The following NDST3 variants were observed in gnomAD, a reference collection of about 807,000 sequenced individuals.
The protein encoded by NDST3 is N-deacetylase and N-sulfotransferase 3, also known as bifunctional heparan sulfate N-deacetylase/N-sulfotransferase 3.
NDST3 carries 58 observed loss-of-function variants against 96.1 expected under a neutral mutation model. That is an observed-to-expected ratio of 0.60 (90% CI 0.49 to 0.75). The LOEUF (loss-of-function observed/expected upper bound fraction) is 0.75, where lower values mean the gene tolerates loss of function less well. Ranked by LOEUF, NDST3 falls within the 30% of genes least tolerant of loss-of-function variation. NDST3 has a pLI of 0.00. For missense variants in NDST3, 788 were observed against 1,034.2 expected, an observed-to-expected ratio of 0.76 and a Z score of 3.27; for synonymous variants, 333 against 359.7, an observed-to-expected ratio of 0.93 and a Z score of 0.84.
intron 3 of NDST3, among the ~76,000 whole-genome samples, chr4:118,113,736 GGGA>G (rs1459511429): frequency 6.6e-6 from 1 of 152,090 alleles, no homozygotes; most frequent in Non-Finnish European, 1.5e-5. Context: ...TTGAAAATAT[GGGA>G]GGAGATTTTT....
chr4:118,076,482 G>A (rs1013882511), intron 2 of NDST3, among the ~76,000 whole-genome samples: 1 of 151,924 alleles, frequency 6.6e-6, no homozygotes, highest in Non-Finnish European at 1.5e-5. Context: ...CAGAGGTTTT[G>A]TTCATTATTT....
At chr4:118,106,988 G>A (rs1230442112) in intron 3 of NDST3, among the ~76,000 whole-genome samples, 1 of 152,186 alleles carries the variant, frequency 6.6e-6, no homozygotes, top group East Asian at 1.9e-4. Context: ...TACTAGGGAG[G>A]CTGAGGCAGG....
In NDST3 at chr4:118,043,063, T is replaced by A. The variant is rs116525114; in HGVS notation, c.-156+8471T>A. 6.4e-3 allele frequency among the ~76,000 whole-genome samples: 982 copies of A among 152,314 alleles called. 7 individuals carry two copies. The highest frequency in any genetic ancestry group is 0.022 in the African/African-American group (934 of 41,556). ...ATATACTTCCGTGGTGTCCACAGTA[T>A]TTACTACAGCACTAATTCCAAAGTA... On this transcript the variant is annotated intron_variant, in intron 1 of 13. Transcript: ENST00000296499.
intron 12 of NDST3, among the ~76,000 whole-genome samples, chr4:118,250,868 T>A (rs1741659793): frequency 6.6e-6 from 1 of 152,018 alleles, no homozygotes. Context: ...CTATATTAGA[T>A]ATATTTTTTA....
chr4:118,048,732 A>T (rs2389499), intron 1 of NDST3, among the ~76,000 whole-genome samples: 1 of 151,936 alleles, frequency 6.6e-6, no homozygotes, highest in African/African-American at 2.4e-5. Context: ...CATGAAACAA[A>T]TTCTTCTTCA....
Position 118,115,324 on chromosome 4 carries a change from A to C in NDST3, c.1224+364A>C, listed in dbSNP as rs1731000153. Among the ~76,000 whole-genome samples the C allele has an allele frequency of 2.0e-5, 3 of 152,196 alleles. No individual in the cohort carries two copies. In the South Asian group the frequency reaches 6.2e-4, roughly 31 times the overall value. On this transcript the variant is annotated intron_variant, in intron 4 of 13. Coordinates refer to ENST00000296499, the MANE Select transcript of NDST3 (RefSeq NM_004784.3). ...AAATGAAATACTTTTTCAAGACCTAATGACAAACCTTACAGCCACAAAACC... is the reference window on the plus strand; with the variant it reads ...AAATGAAATACTTTTTCAAGACCTACTGACAAACCTTACAGCCACAAAACC...
chr4:118,105,345 C>T (rs984979705), intron 3 of NDST3, among the ~76,000 whole-genome samples: 10 of 152,186 alleles, frequency 6.6e-5, no homozygotes, highest in Non-Finnish European at 1.2e-4. Flanking sequence ...TATAGAAGTA[C>T]ATAAATAGTA....
intron 6 of NDST3, among the ~76,000 whole-genome samples, chr4:118,188,898 T>C (rs570814053): frequency 2.0e-5 from 3 of 152,274 alleles, no homozygotes; most frequent in Admixed American, 6.5e-5. Flanking sequence ...TAAATGGTCA[T>C]AGTTAAAGAC....
chr4:118,162,579 C>T (rs1197885538), intron 6 of NDST3, among the ~76,000 whole-genome samples: 51 of 151,342 alleles, frequency 3.4e-4, no homozygotes, highest in Admixed American at 6.6e-4. Context: ...CCCTTCCTTA[C>T]ACCTTATACA....
At chr4:118,163,835 A>G (rs1411825139) in intron 6 of NDST3, among the ~76,000 whole-genome samples, 1 of 152,194 alleles carries the variant, frequency 6.6e-6, no homozygotes, top group East Asian at 1.9e-4. Flanking sequence ...ATTACTAAAA[A>G]GTCAAAAAAT....
chr4:118,071,044 G>A (rs916633402), intron 2 of NDST3, among the ~76,000 whole-genome samples: 25 of 151,962 alleles, frequency 1.6e-4, no homozygotes, highest in Non-Finnish European at 3.7e-4. Context: ...TCCCTAGAAA[G>A]GACATGAACT....
intron 2 of NDST3, among the ~76,000 whole-genome samples, chr4:118,078,518 G>A (rs28479964): frequency 0.055 from 8,360 of 152,234 alleles, 310 homozygotes; most frequent in Middle Eastern, 0.082. Flanking sequence ...TTGGAAGGCC[G>A]AGGTGGGTGG....
chr4:118,106,038 T>C (rs1730155832), intron 3 of NDST3, among the ~76,000 whole-genome samples: 1 of 152,206 alleles, frequency 6.6e-6, no homozygotes. Flanking sequence ...AGGGTTTTAA[T>C]GTACATTTCT....
intron 10 of NDST3, among the ~76,000 whole-genome samples, chr4:118,238,307 A>T (rs611659): frequency 0.29 from 44,852 of 152,062 alleles, 8,133 homozygotes; most frequent in Middle Eastern, 0.43. Flanking sequence ...ACTCATTGCC[A>T]TTGTTTTCTG....
At position 118,193,872 on chromosome 4, in the gene NDST3, A is replaced by C. The variant is rs1414454803; in HGVS notation, c.1540-30619A>C. 2.7e-6 allele frequency: 3 copies of C among 1,097,690 alleles called. No homozygotes were observed. In the African/African-American group the frequency reaches 4.7e-5, roughly 17 times the overall value. The allele number at this position is 1,097,690 out of a possible 1,614,324, so 68.0% of individuals were successfully genotyped here. A position where few individuals can be genotyped will look rare whatever the true frequency, so the allele number is the denominator to read the frequency against. On this transcript the variant is annotated intron_variant, in intron 6 of 13. Transcript: ENST00000296499. ...TGTGTTTCCTCATTGGAAAAACTAG[A>C]CTCATATTCTACCCAGGACACAATC...
intron 1 of NDST3, among the ~76,000 whole-genome samples, chr4:118,046,182 A>G (rs1236611146): frequency 6.6e-6 from 1 of 152,210 alleles, no homozygotes. Flanking sequence ...CTCCGGGGGA[A>G]TAGGTTCATG....
intron 6 of NDST3, among the ~76,000 whole-genome samples, chr4:118,184,682 C>A (rs1339436344): frequency 6.7e-6 from 1 of 148,488 alleles, no homozygotes; most frequent in African/African-American, 2.5e-5. Context: ...TCTAGAGAAC[C>A]CTAAGACATT....
intron 2 of NDST3, among the ~76,000 whole-genome samples, chr4:118,102,203 T>G (rs962591446): frequency 8.5e-5 from 13 of 152,094 alleles, no homozygotes; most frequent in African/African-American, 3.1e-4. Context: ...TAAATTACCT[T>G]CCTATATATA....
chr4:118,104,979 A>G, intron 2 of NDST3, 39 bp from the exon 3 acceptor site: 1 of 1,564,538 alleles, frequency 6.4e-7, no homozygotes, highest in Non-Finnish European at 8.8e-7. Context: ...TTTTAATGCC[A>G]TTCTTTACCT....
Sources: allele counts gnomAD v4.1 joint callset (sites outside exome capture counted in the v4.1 genomes callset), GRCh38; gene constraint gnomAD v4.1.1; transcripts MANE v1.5; gene names NCBI Gene and HGNC (gene_info 2026-07-23, HGNC 2026-07-21).